Variants in ACYP2 observed in about 807,000 individuals in gnomAD.
ACYP2 encodes acylphosphatase 2, also known as acylphosphatase-2.
In ACYP2, 12 loss-of-function variants were observed where a neutral mutation model predicts 11.2. The ratio of observed to expected loss-of-function variants is 1.08; its 90% CI spans 0.69 to 1.74. The LOEUF (loss-of-function observed/expected upper bound fraction) is 1.74. Ranked by LOEUF, ACYP2 falls within the 40% of genes most tolerant of loss-of-function variation. The pLI is 0.00. For synonymous variants in ACYP2, 43 were observed against 32.2 expected (o/e 1.33, Z -1.13); for missense variants, 134 against 101.9 (o/e 1.31, Z -1.35).
At chr2:54,159,760 G>C (rs950525442) in intron 6 of ACYP2, among the ~76,000 whole-genome samples, 7 of 152,098 alleles carry the variant, frequency 4.6e-5, no homozygotes, top group African/African-American at 1.7e-4. Context: ...TCCTGCCTTG[G>C]GGAACAGGAC....
chr2:54,210,745 A>G (rs1270255866), intron 6 of ACYP2, among the ~76,000 whole-genome samples: 2 of 150,870 alleles, frequency 1.3e-5, no homozygotes, highest in Non-Finnish European at 2.9e-5. Context: ...TTTTTTCAGT[A>G]AAACTCTGCC....
chr2:54,051,401 A>G, intron 3 of ACYP2: 2 of 737,042 alleles, frequency 2.7e-6, no homozygotes, highest in South Asian at 1.4e-5. Flanking sequence ...GCAAAGGTAG[A>G]GAAGGCCCAT....
intron 6 of ACYP2, among the ~76,000 whole-genome samples, chr2:54,201,542 G>A (rs1329432036): frequency 1.3e-5 from 2 of 151,758 alleles, no homozygotes; most frequent in Middle Eastern, 3.4e-3. Flanking sequence ...CTTGTCTTTC[G>A]AAGCACAAAA....
At chr2:54,186,019 G>T (rs1386144422) in intron 6 of ACYP2, among the ~76,000 whole-genome samples, 3 of 151,838 alleles carry the variant, frequency 2.0e-5, no homozygotes, top group African/African-American at 7.2e-5. Context: ...TATAAAAAAA[G>T]TTCAGGTAGC....
At chr2:54,005,670 T>C (rs1673029631) in intron 2 of ACYP2, among the ~76,000 whole-genome samples, 1 of 152,188 alleles carries the variant, frequency 6.6e-6, no homozygotes, top group Admixed American at 6.6e-5. Flanking sequence ...TTCTGTTCCA[T>C]TGACCAAGAT....
At chr2:54,219,450 T>G (rs843752) in intron 6 of ACYP2, among the ~76,000 whole-genome samples, 49,468 of 151,794 alleles carry the variant, frequency 0.33, 8,659 homozygotes, top group African/African-American at 0.46. Flanking sequence ...GGTTTGAGGT[T>G]GTTCAAACAA....
chr2:54,258,880 G>T (rs1409522577), intron 6 of ACYP2, among the ~76,000 whole-genome samples: 1 of 152,170 alleles, frequency 6.6e-6, no homozygotes, highest in African/African-American at 2.4e-5. Context: ...AATATGCTGT[G>T]CTATGAAGTA....
intron 2 of ACYP2, among the ~76,000 whole-genome samples, chr2:54,039,595 T>A (rs949770149): frequency 6.6e-6 from 1 of 151,836 alleles, no homozygotes; most frequent in Non-Finnish European, 1.5e-5. Flanking sequence ...CCTGGCTAAT[T>A]TTTGTATTTT....
At chr2:54,227,934 C>T (rs1227044781) in intron 6 of ACYP2, among the ~76,000 whole-genome samples, 2 of 152,194 alleles carry the variant, frequency 1.3e-5, no homozygotes, top group East Asian at 3.8e-4. Flanking sequence ...TTTTACATAA[C>T]TTTCAAATCA....
chr2:54,145,844 A>G (rs755070192), intron 6 of ACYP2, among the ~76,000 whole-genome samples: 10 of 152,164 alleles, frequency 6.6e-5, no homozygotes, highest in Non-Finnish European at 1.5e-4. Flanking sequence ...CAAATGTCAA[A>G]GTGCATCACA....
chr2:54,015,847 A>G (rs1191430847), intron 2 of ACYP2, among the ~76,000 whole-genome samples: 1 of 151,906 alleles, frequency 6.6e-6, no homozygotes, highest in Non-Finnish European at 1.5e-5. Context: ...ATATTTTTGG[A>G]GAGATGGGGT....
intron 4 of ACYP2, among the ~76,000 whole-genome samples, chr2:54,082,261 T>C (rs987514665): frequency 1.3e-5 from 2 of 152,146 alleles, no homozygotes; most frequent in African/African-American, 4.8e-5. Flanking sequence ...TTCTTTTTTT[T>C]TTGAGATGAA....
At chr2:54,181,636 A>G (rs1483746903) in intron 6 of ACYP2, among the ~76,000 whole-genome samples, 1 of 152,238 alleles carries the variant, frequency 6.6e-6, no homozygotes, top group Non-Finnish European at 1.5e-5. Flanking sequence ...TAATTTTAAG[A>G]AACTGTTCTA....
chr2:54,284,313 C>T (rs1352930450), intron 6 of ACYP2, among the ~76,000 whole-genome samples: 2 of 152,194 alleles, frequency 1.3e-5, no homozygotes, highest in South Asian at 2.1e-4. Context: ...CAAAGCTTCA[C>T]TCGTCTCCTC....
chr2:54,285,431 G>T (rs1399548276), intron 6 of ACYP2, among the ~76,000 whole-genome samples: 2 of 152,094 alleles, frequency 1.3e-5, no homozygotes, highest in Non-Finnish European at 2.9e-5. Flanking sequence ...CTAGCCCTGT[G>T]GCATTAAATA....
intron 6 of ACYP2, among the ~76,000 whole-genome samples, chr2:54,209,052 T>G (rs1685216723): frequency 6.6e-6 from 1 of 151,984 alleles, no homozygotes; most frequent in African/African-American, 2.4e-5. Flanking sequence ...CATCAGTTCT[T>G]AAGAATGAAG....
Position 54,293,436 on chromosome 2 carries a change from G to T in ACYP2, c.405-11252G>T, listed in dbSNP as rs930544315. The stretch of plus-strand genomic sequence containing the variant: ...AGAATCCTGGGCATAGCTCAAGCCT[G>T]AGTGGCTCTTCCAGACTCTCACCCA... On this transcript the variant is annotated intron_variant, in intron 6 of 6. Transcript: ENST00000607452. Among the ~76,000 whole-genome samples the T allele has an allele frequency of 3.3e-5, 5 of 152,194 alleles. No individual in the cohort carries two copies. The East Asian group carries it at 9.6e-4, about 29-fold the overall frequency.
chr2:54,148,618 T>A (rs1682008128), intron 6 of ACYP2, among the ~76,000 whole-genome samples: 1 of 152,128 alleles, frequency 6.6e-6, no homozygotes, highest in South Asian at 2.1e-4. Context: ...GAAATTAATT[T>A]GGTTGTCATC....
At chr2:54,057,794 G>C (rs976353561) in intron 4 of ACYP2, among the ~76,000 whole-genome samples, 1 of 152,160 alleles carries the variant, frequency 6.6e-6, no homozygotes, top group Admixed American at 6.5e-5. Flanking sequence ...CAAATGAGGA[G>C]TCAAAGCAGG....
Sources: allele counts gnomAD v4.1 joint callset (sites outside exome capture counted in the v4.1 genomes callset), GRCh38; gene constraint gnomAD v4.1.1; transcripts MANE v1.5; gene names NCBI Gene and HGNC (gene_info 2026-07-23, HGNC 2026-07-21).